Variants in PLXDC2 observed in about 807,000 individuals in gnomAD.
PLXDC2 encodes plexin domain containing 2, also known as plexin domain-containing protein 2.
In PLXDC2, 40 loss-of-function variants were observed where a neutral mutation model predicts 68.9. The ratio of observed to expected loss-of-function variants is 0.58; its 90% CI spans 0.45 to 0.76. The LOEUF (loss-of-function observed/expected upper bound fraction) is 0.76, where lower values mean the gene tolerates loss of function less well. Ranked by LOEUF, PLXDC2 falls within the 30% of genes least tolerant of loss-of-function variation. The probability of loss-of-function intolerance (pLI) is 0.00; values close to 1 mark genes in which losing one functional copy is unlikely to be tolerated. For synonymous variants in PLXDC2, 243 were observed against 234.2 expected (o/e 1.04, Z -0.34); for missense variants, 644 against 661.9 (o/e 0.97, Z 0.30).
At chr10:20,176,806 C>T (rs994410285) in intron 7 of PLXDC2, among the ~76,000 whole-genome samples, 193 bp from the exon 8 acceptor site, 4 of 152,042 alleles carry the variant, frequency 2.6e-5, no homozygotes, top group East Asian at 1.9e-4. Flanking sequence ...CTTTCAACTT[C>T]GCTGATAAAA....
chr10:20,254,259 AG>A (rs1835715087), intron 13 of PLXDC2, among the ~76,000 whole-genome samples: 1 of 152,222 alleles, frequency 6.6e-6, no homozygotes, highest in South Asian at 2.1e-4. Flanking sequence ...GGCAACTAAT[AG>A]TACCACCAGG....
chr10:20,238,153 T>G (rs1835458620), intron 12 of PLXDC2, among the ~76,000 whole-genome samples: 1 of 149,870 alleles, frequency 6.7e-6, no homozygotes, highest in South Asian at 2.1e-4. Flanking sequence ...TAAATAAATA[T>G]ATATATGTAT....
intron 1 of PLXDC2, among the ~76,000 whole-genome samples, chr10:19,900,752 C>A (rs1838144594): frequency 6.6e-6 from 1 of 151,912 alleles, no homozygotes; most frequent in South Asian, 2.1e-4. Context: ...TTATCTCTCA[C>A]CCCCGCCTAC....
At chr10:20,090,967 C>T (rs1345558989) in intron 4 of PLXDC2, among the ~76,000 whole-genome samples, 1 of 152,156 alleles carries the variant, frequency 6.6e-6, no homozygotes, top group Admixed American at 6.5e-5. Context: ...ATTTCAGCCA[C>T]AGTATTCTGA....
intron 12 of PLXDC2, among the ~76,000 whole-genome samples, chr10:20,227,996 G>T (rs148747522): frequency 2.6e-5 from 4 of 152,158 alleles, no homozygotes; most frequent in African/African-American, 9.7e-5. Context: ...GGAAAGTGAC[G>T]AAGGTGGTTC....
At chr10:19,841,400 A>G (rs572997738) in intron 1 of PLXDC2, among the ~76,000 whole-genome samples, 8 of 152,082 alleles carry the variant, frequency 5.3e-5, no homozygotes, top group Admixed American at 6.6e-5. Context: ...TCCTTATTTC[A>G]TATTTCTTTC....
At chr10:19,821,489 T>G (rs1169920958) in intron 1 of PLXDC2, among the ~76,000 whole-genome samples, 1 of 152,206 alleles carries the variant, frequency 6.6e-6, no homozygotes, top group East Asian at 1.9e-4. Context: ...CATTTCTACC[T>G]CTCTCTCATG....
intron 1 of PLXDC2, among the ~76,000 whole-genome samples, chr10:19,843,898 G>T (rs1395044730): frequency 3.3e-5 from 5 of 152,158 alleles, no homozygotes; most frequent in African/African-American, 1.2e-4. Context: ...AAACTGTATT[G>T]TGTATTTCAA....
chr10:20,143,264 C>T (rs1834029803), intron 4 of PLXDC2, 31 bp from the exon 5 acceptor site: 1 of 1,572,002 alleles, frequency 6.4e-7, no homozygotes, highest in Admixed American at 1.8e-5. Flanking sequence ...GCTTCTTTTT[C>T]TGAATATGTT....
chr10:20,119,628 A>G (rs949233065), intron 4 of PLXDC2, among the ~76,000 whole-genome samples: 8 of 151,720 alleles, frequency 5.3e-5, no homozygotes, highest in Admixed American at 5.3e-4. Flanking sequence ...TATTAATAAG[A>G]AAAATAAAAC....
chr10:20,012,938 A>G (rs1205938164), intron 2 of PLXDC2, among the ~76,000 whole-genome samples: 1 of 152,174 alleles, frequency 6.6e-6, no homozygotes, highest in Non-Finnish European at 1.5e-5. Flanking sequence ...TCTATATGTT[A>G]TTTCAAGCTT....
chr10:19,927,990 T>G (rs938996802), intron 1 of PLXDC2, among the ~76,000 whole-genome samples: 1 of 152,138 alleles, frequency 6.6e-6, no homozygotes, highest in Non-Finnish European at 1.5e-5. Flanking sequence ...ATGATATCAC[T>G]CTGTATGCTT....
At chr10:19,842,354 C>T (rs952574697) in intron 1 of PLXDC2, among the ~76,000 whole-genome samples, 1 of 152,160 alleles carries the variant, frequency 6.6e-6, no homozygotes. Flanking sequence ...TCTTAGCATG[C>T]GTTGAGGCAT....
intron 2 of PLXDC2, among the ~76,000 whole-genome samples, chr10:20,004,742 G>A (rs1273702031): frequency 6.6e-6 from 1 of 152,164 alleles, no homozygotes; most frequent in African/African-American, 2.4e-5. Context: ...AAATCTCTTT[G>A]ATTGGGGGTA....
chr10:20,200,682 T>C (rs2131847441), intron 9 of PLXDC2, among the ~76,000 whole-genome samples: 1 of 151,958 alleles, frequency 6.6e-6, no homozygotes, highest in South Asian at 2.1e-4. Context: ...GAACAGCAAA[T>C]AACCAACAAC....
intron 1 of PLXDC2, among the ~76,000 whole-genome samples, chr10:19,845,747 T>TTTAA (rs1836996256): frequency 1.3e-5 from 2 of 152,304 alleles, no homozygotes; most frequent in Admixed American, 1.3e-4. Context: ...TTATACCACT[T>TTTAA]TTAATTACAT....
At chr10:20,116,095 A>G (rs572391076) in intron 4 of PLXDC2, among the ~76,000 whole-genome samples, 1 of 152,360 alleles carries the variant, frequency 6.6e-6, no homozygotes, top group South Asian at 2.1e-4. Context: ...CAAAAGCTGC[A>G]TGTTAGGAAA....
At position 20,180,750 on chromosome 10, in the gene PLXDC2, G is replaced by A. The variant is rs535265188; in HGVS notation, c.1061+3341G>A. Reference sequence around the variant, plus strand: ...AAACTAAGGCAAAATGTTTGCAATGGCTTTCCCAAGCTCTGAGAGAATTTG... The same window carrying A: ...AAACTAAGGCAAAATGTTTGCAATGACTTTCCCAAGCTCTGAGAGAATTTG... On this transcript the variant is annotated intron_variant, in intron 9 of 13. Transcript: ENST00000377252. Among the ~76,000 whole-genome samples, 74 of 152,140 alleles carry A rather than the reference G, an allele frequency of 4.9e-4. 1 individual carries two copies. Among genetic ancestry groups the A allele is most frequent in the African/African-American group, 1.7e-3 (72 of 41,548 alleles).
At chr10:20,273,852 CTAAATAAA>C (rs1381129172) in intron 13 of PLXDC2, among the ~76,000 whole-genome samples, 4 of 152,024 alleles carry the variant, frequency 2.6e-5, no homozygotes. Flanking sequence ...CCTGTCTCTA[CTAAATAAA>C]TAAATAAACA....
Sources: allele counts gnomAD v4.1 joint callset (sites outside exome capture counted in the v4.1 genomes callset), GRCh38; gene constraint gnomAD v4.1.1; transcripts MANE v1.5; gene names NCBI Gene and HGNC (gene_info 2026-07-23, HGNC 2026-07-21).